The following CSMD1 variants were observed in gnomAD, a reference collection of about 807,000 sequenced individuals.
The protein encoded by CSMD1 is CUB and sushi domain-containing protein 1.
Under a neutral mutation model 417.5 loss-of-function variants are expected in CSMD1, and 213 were observed. That is an observed-to-expected ratio of 0.51 (90% CI 0.46 to 0.57). CSMD1 has a LOEUF of 0.57. CSMD1 is among the 20% of genes least tolerant of loss of function. CSMD1 has a pLI of 0.00. For synonymous variants in CSMD1, 2,862 were observed against 1,736.8 expected, an observed-to-expected ratio of 1.65 and a Z score of -16.11; for missense variants, 6,923 against 4,529.7, an observed-to-expected ratio of 1.53 and a Z score of -15.17.
chr8:3,039,036 G>A (rs980759921), intron 50 of CSMD1, among the ~76,000 whole-genome samples: 5 of 152,158 alleles, frequency 3.3e-5, no homozygotes, highest in Admixed American at 1.3e-4. Context: ...TTGGATCTTC[G>A]CAGAAGAGAT....
chr8:4,300,670 G>A (rs1797934554), intron 3 of CSMD1, among the ~76,000 whole-genome samples: 1 of 152,028 alleles, frequency 6.6e-6, no homozygotes, highest in African/African-American at 2.4e-5. Context: ...ATCTCCTAAT[G>A]CTATCTCTCC....
chr8:4,633,222 G>T (rs1282240248), intron 2 of CSMD1, among the ~76,000 whole-genome samples: 1 of 151,802 alleles, frequency 6.6e-6, no homozygotes, highest in African/African-American at 2.4e-5. Flanking sequence ...GTGGTTAATG[G>T]AAAGGTGTTT....
At chr8:4,931,397 A>G (rs1023393110) in intron 1 of CSMD1, among the ~76,000 whole-genome samples, 8 of 152,210 alleles carry the variant, frequency 5.3e-5, no homozygotes, top group Non-Finnish European at 1.2e-4. Flanking sequence ...TTCCTGAGTG[A>G]CACTGACTCG....
chr8:4,301,309 C>T (rs77594168), intron 3 of CSMD1, among the ~76,000 whole-genome samples: 1 of 152,210 alleles, frequency 6.6e-6, no homozygotes, highest in East Asian at 1.9e-4. Context: ...CCCAAAATAC[C>T]AGTGCCATGA....
intron 3 of CSMD1, among the ~76,000 whole-genome samples, chr8:4,159,112 C>G (rs1766909494): frequency 1.3e-5 from 2 of 152,034 alleles, no homozygotes; most frequent in East Asian, 3.9e-4. Flanking sequence ...GACGAGGCTT[C>G]TCCATAGTTG....
chr8:4,803,797 T>C (rs74510018), intron 1 of CSMD1, among the ~76,000 whole-genome samples: 8,482 of 152,304 alleles, frequency 0.056, 401 homozygotes, highest in East Asian at 0.24. Context: ...TCTTTGTTGG[T>C]GCTCTACATT....
At chr8:4,866,459 T>C (rs1475236060) in intron 1 of CSMD1, among the ~76,000 whole-genome samples, 1 of 151,986 alleles carries the variant, frequency 6.6e-6, no homozygotes, top group Admixed American at 6.5e-5. Context: ...TCTCTTTTGT[T>C]TTTTTCTTTA....
intron 3 of CSMD1, among the ~76,000 whole-genome samples, chr8:4,212,161 G>C (rs908322588): frequency 1.1e-4 from 16 of 148,108 alleles, no homozygotes; most frequent in African/African-American, 2.8e-4. Context: ...AAAAGACTCT[G>C]TCACTTCCCT....
At chr8:3,286,319 T>C (rs914665131) in intron 25 of CSMD1, among the ~76,000 whole-genome samples, 4 of 152,188 alleles carry the variant, frequency 2.6e-5, no homozygotes, top group Admixed American at 1.3e-4. Context: ...CAGCATGATT[T>C]ATAATCCTTT....
intron 3 of CSMD1, among the ~76,000 whole-genome samples, chr8:4,404,013 G>A (rs775368534): frequency 6.6e-6 from 1 of 152,122 alleles, no homozygotes; most frequent in African/African-American, 2.4e-5. Flanking sequence ...TAGCAAACTC[G>A]ATTGGTATTA....
intron 5 of CSMD1, among the ~76,000 whole-genome samples, chr8:3,789,369 G>A (rs1055678631): frequency 1.0e-4 from 14 of 137,150 alleles, no homozygotes; most frequent in Non-Finnish European, 1.7e-4. Flanking sequence ...TGTATTGCTA[G>A]TGTTTTTTTT....
intron 37 of CSMD1, among the ~76,000 whole-genome samples, chr8:3,180,715 A>T (rs987359627): frequency 6.6e-5 from 10 of 152,106 alleles, no homozygotes; most frequent in African/African-American, 2.4e-5. Context: ...GGCTCATGGC[A>T]ACCTCTGCCT....
At chr8:4,578,657 A>C (rs2130687144) in intron 2 of CSMD1, among the ~76,000 whole-genome samples, 1 of 151,232 alleles carries the variant, frequency 6.6e-6, no homozygotes, top group Middle Eastern at 3.4e-3. Flanking sequence ...TCTACCAAAA[A>C]TACAAAAATT....
intron 1 of CSMD1, among the ~76,000 whole-genome samples, chr8:4,708,822 A>T (rs1808108647): frequency 6.6e-6 from 1 of 152,208 alleles, no homozygotes; most frequent in Non-Finnish European, 1.5e-5. Flanking sequence ...TGAGGTCATT[A>T]GGGTGGTCCC....
intron 12 of CSMD1, among the ~76,000 whole-genome samples, chr8:3,433,147 G>A (rs1814327737): frequency 6.6e-6 from 1 of 152,192 alleles, no homozygotes; most frequent in East Asian, 1.9e-4. Context: ...GATAAACATG[G>A]TGGGATTCTG....
chr8:4,982,329 G>A (rs74990551), intron 1 of CSMD1, among the ~76,000 whole-genome samples: 3,504 of 152,290 alleles, frequency 0.023, 138 homozygotes, highest in African/African-American at 0.078. Context: ...GTCCTTCTAT[G>A]TAGCTCTGTT....
At chr8:3,984,361 G>A (rs777476815) in intron 5 of CSMD1, among the ~76,000 whole-genome samples, 23 of 152,264 alleles carry the variant, frequency 1.5e-4, no homozygotes, top group Non-Finnish European at 2.6e-4. Context: ...GACAGATCAT[G>A]AGTCTCTGTT....
At chr8:4,386,482 C>A (rs548833643) in intron 3 of CSMD1, among the ~76,000 whole-genome samples, 76 of 152,336 alleles carry the variant, frequency 5.0e-4, no homozygotes, top group African/African-American at 1.8e-3. Flanking sequence ...CACCTTATCT[C>A]CCAGTCTCCA....
intron 10 of CSMD1, among the ~76,000 whole-genome samples, chr8:3,544,377 C>T (rs1462235673): frequency 1.3e-5 from 2 of 152,128 alleles, no homozygotes; most frequent in Non-Finnish European, 2.9e-5. Context: ...AACATCTCCC[C>T]TGATCTTTTT....
Sources: gnomAD v4.1 joint callset for allele counts (sites outside exome capture counted in the v4.1 genomes callset) on GRCh38, gnomAD v4.1.1 for gene constraint, MANE v1.5 for transcripts, NCBI Gene and HGNC (gene_info 2026-07-23, HGNC 2026-07-21) for gene names.